PCDHGA2: variants seen among roughly 807,000 people sequenced by gnomAD.
PCDHGA2 encodes the protein protocadherin gamma-A2.
A neutral mutation model predicts 59.2 loss-of-function variants in PCDHGA2; 40 were observed. That is an observed-to-expected ratio of 0.68 (90% CI 0.52 to 0.88). The LOEUF is 0.88. PCDHGA2 is among the 40% of genes least tolerant of loss of function. The pLI, the probability that PCDHGA2 is intolerant of heterozygous loss-of-function variation, is 0.00. For missense variants in PCDHGA2, 1,226 were observed against 1,204.0 expected, an observed-to-expected ratio of 1.02 and a Z score of -0.27; for synonymous variants, 560 against 526.0, an observed-to-expected ratio of 1.06 and a Z score of -0.89.
intron 1 of PCDHGA2, chr5:141,400,300 C>T: frequency 6.2e-7 from 1 of 1,614,084 alleles, no homozygotes; most frequent in Non-Finnish European, 8.5e-7. Context: ...CTGCTTCCAA[C>T]CTGGTCTCTG....
chr5:141,433,406 TTA>T (rs2097606059), intron 1 of PCDHGA2, among the ~76,000 whole-genome samples: 1 of 149,982 alleles, frequency 6.7e-6, no homozygotes. Flanking sequence ...TATCTATCTA[TTA>T]CTTTCTTGTA....
intron 1 of PCDHGA2, among the ~76,000 whole-genome samples, chr5:141,457,253 T>C (rs986838327): frequency 1.4e-4 from 22 of 152,196 alleles, no homozygotes; most frequent in Admixed American, 1.4e-3. Flanking sequence ...CTTGCCAACA[T>C]ATAGAATTCC....
intron 1 of PCDHGA2, chr5:141,364,212 A>G (rs925277605): frequency 8.0e-7 from 1 of 1,252,414 alleles, no homozygotes; most frequent in African/African-American, 1.5e-5. Context: ...ACAAGCTCCT[A>G]CGAAAAGCCA....
chr5:141,375,838 C>T (rs527863161), intron 1 of PCDHGA2: 1 of 1,614,128 alleles, frequency 6.2e-7, no homozygotes, highest in Admixed American at 1.7e-5. Flanking sequence ...CAGAGCCCGG[C>T]TACCTGGTGA....
chr5:141,493,937 A>G lies in PCDHGA2; in HGVS notation c.2425-870A>G, dbSNP rs931274307. Among the ~76,000 whole-genome samples the G allele has an allele frequency of 6.6e-6, 1 of 152,212 alleles. No individual in the cohort carries two copies. The highest frequency in any genetic ancestry group is 1.5e-5 in the Non-Finnish European group (1 of 68,022). ...GGATAACACACCCCCTGGAAAGACCAGAAGGGACTCAGGAATGAAGTGGCT... is the reference window on the plus strand; with the variant it reads ...GGATAACACACCCCCTGGAAAGACCGGAAGGGACTCAGGAATGAAGTGGCT... On this transcript the variant is annotated intron_variant, in intron 1 of 3. Coordinates refer to ENST00000394576, the MANE Select transcript of PCDHGA2 (RefSeq NM_018915.4). This position sits in a 1 kb window ranked among gnomAD's most constrained non-coding sequence, Gnocchi z 4.3.
chr5:141,357,223 T>A (rs1760512716), intron 1 of PCDHGA2: 1 of 1,613,834 alleles, frequency 6.2e-7, no homozygotes, highest in Non-Finnish European at 8.5e-7. Flanking sequence ...CCTGGCTGAC[T>A]TGGGCAGCCT....
chr5:141,464,389 A>G (rs2099082481), intron 1 of PCDHGA2, among the ~76,000 whole-genome samples: 1 of 151,766 alleles, frequency 6.6e-6, no homozygotes, highest in Non-Finnish European at 1.5e-5. Flanking sequence ...AAAAATGCTA[A>G]TGAAGAACCT....
At chr5:141,376,830 G>A (rs1343049579) in intron 1 of PCDHGA2, 1 of 266,580 alleles carries the variant, frequency 3.8e-6, no homozygotes, top group Non-Finnish European at 7.1e-6. Flanking sequence ...GGGACTACAG[G>A]CGCCCGCCAC....
rs376395066 is a variant in PCDHGA2 at position 141,490,681 on chromosome 5, C to G, written c.2425-4126C>G. On this transcript the variant is annotated intron_variant, in intron 1 of 3. Transcript: ENST00000394576. The surrounding 1 kb of genome is among the most constrained non-coding windows in gnomAD (Gnocchi z 5.4). ...TCTTTGCACTGTGGCTGCCTCAGATCCAGACACTGGGGATAATGCCCGCCT... is the reference window on the plus strand; with the variant it reads ...TCTTTGCACTGTGGCTGCCTCAGATGCAGACACTGGGGATAATGCCCGCCT... 2.5e-6 allele frequency: 4 copies of G among 1,613,998 alleles called. No homozygotes were observed. In the African/African-American group the frequency reaches 4.0e-5, roughly 16 times the overall value.
At chr5:141,347,195 T>C (rs577064998) in intron 1 of PCDHGA2, among the ~76,000 whole-genome samples, 1 of 78,072 alleles carries the variant, frequency 1.3e-5, no homozygotes, top group African/African-American at 7.4e-5. Flanking sequence ...AGGGTCTTAC[T>C]CTGTCTGGAG....
chr5:141,408,219 C>T (rs560438654), intron 1 of PCDHGA2: 4 of 1,557,930 alleles, frequency 2.6e-6, no homozygotes, highest in East Asian at 4.8e-5. Flanking sequence ...GGGAGCTGCG[C>T]GCAGAGGCGC....
intron 1 of PCDHGA2, chr5:141,366,971 C>T (rs1764884067): frequency 3.5e-6 from 2 of 572,978 alleles, no homozygotes; most frequent in Admixed American, 7.6e-5. Flanking sequence ...GAAACAAATA[C>T]CTTAAAGGAA....
chr5:141,410,311 C>T lies in PCDHGA2; in HGVS notation c.2424+68916C>T, dbSNP rs867067555. On this transcript the variant is annotated intron_variant, in intron 1 of 3. Coordinates refer to ENST00000394576, the MANE Select transcript of PCDHGA2 (RefSeq NM_018915.4). ...CCTTGGCCTTAATCTCAGTGCTCTT[C>T]CTCCTCGCCGTGATTCTGGCCATTG... 4 of 1,613,936 alleles carry T rather than the reference C, an allele frequency of 2.5e-6. No homozygotes were observed. In the African/African-American group the frequency reaches 5.3e-5, roughly 22 times the overall value.
intron 1 of PCDHGA2, chr5:141,418,101 G>T: frequency 6.2e-7 from 1 of 1,614,082 alleles, no homozygotes; most frequent in Non-Finnish European, 8.5e-7. Context: ...GACGCGCAGA[G>T]CGGGGACTTA....
Position 141,490,826 on chromosome 5 carries a change from T to A in PCDHGA2, c.2425-3981T>A, listed in dbSNP as rs1195265146. ...ACCTTTGACTATGAATTGCTGCAGA[T>A]GCTGCAGATTGTGGTGGGGGTTCGA... On this transcript the variant is annotated intron_variant, in intron 1 of 3. Coordinates refer to ENST00000394576, the MANE Select transcript of PCDHGA2 (RefSeq NM_018915.4). The surrounding 1 kb of genome is among the most constrained non-coding windows in gnomAD (Gnocchi z 5.4). 6.2e-7 allele frequency: 1 copy of A among 1,613,736 alleles called. No homozygotes were observed. The highest frequency in any genetic ancestry group is 8.5e-7 in the Non-Finnish European group (1 of 1,179,796).
At chr5:141,350,153 G>T in intron 1 of PCDHGA2, 1 of 978,182 alleles carries the variant, frequency 1.0e-6, no homozygotes, top group Non-Finnish European at 1.4e-6. Flanking sequence ...GTTCACCCTC[G>T]AGCGCCTAAC....
chr5:141,383,440 G>C, intron 1 of PCDHGA2: 1 of 1,613,950 alleles, frequency 6.2e-7, no homozygotes, highest in African/African-American at 1.3e-5. Flanking sequence ...CTTCTCCCTG[G>C]CTGTGCAAAG....
chr5:141,412,569 T>C (rs1469611879), intron 1 of PCDHGA2: 3 of 152,228 alleles, frequency 2.0e-5, no homozygotes, highest in Admixed American at 6.5e-5. Flanking sequence ...GTTTATTTAA[T>C]ATAATCTTTG....
intron 1 of PCDHGA2, among the ~76,000 whole-genome samples, chr5:141,429,503 C>T (rs890656634): frequency 1.3e-5 from 2 of 151,922 alleles, no homozygotes; most frequent in Admixed American, 6.6e-5. Context: ...TTGCCTGAAA[C>T]TGTGCCTGGC....
Sources: allele counts gnomAD v4.1 joint callset (sites outside exome capture counted in the v4.1 genomes callset), GRCh38; gene constraint gnomAD v4.1.1; non-coding constraint Gnocchi (gnomAD v3.1); transcripts MANE v1.5; gene names NCBI Gene and HGNC (gene_info 2026-07-23, HGNC 2026-07-21).